SLC1A2: variants seen among roughly 807,000 people sequenced by gnomAD.
SLC1A2 encodes excitatory amino acid transporter 2.
Under a neutral mutation model 48.8 loss-of-function variants are expected in SLC1A2, and 15 were observed. The observed-to-expected ratio is 0.31, with a 90% confidence interval of 0.21 to 0.47. SLC1A2 has a LOEUF of 0.47. Ranked by LOEUF, SLC1A2 falls within the 20% of genes least tolerant of loss-of-function variation. SLC1A2 has a pLI of 0.99. For missense variants in SLC1A2, 502 were observed against 730.5 expected, an observed-to-expected ratio of 0.69 and a Z score of 3.61; for synonymous variants, 279 against 272.6, an observed-to-expected ratio of 1.02 and a Z score of -0.23.
At chr11:35,283,129 G>C (rs1024874108) in intron 8 of SLC1A2, among the ~76,000 whole-genome samples, 3 of 152,124 alleles carry the variant, frequency 2.0e-5, no homozygotes, top group South Asian at 2.1e-4. Flanking sequence ...AGAAACTTAG[G>C]TCACACAGCT....
chr11:35,304,354 G>T (rs1273213233), intron 5 of SLC1A2, among the ~76,000 whole-genome samples: 1 of 152,150 alleles, frequency 6.6e-6, no homozygotes, highest in Non-Finnish European at 1.5e-5. Flanking sequence ...ACAAAAGGGG[G>T]TTGGGTGTTT....
chr11:35,265,797 G>C (rs1489261231), intron 9 of SLC1A2, 39 bp from the exon 10 acceptor site: 1 of 1,298,744 alleles, frequency 7.7e-7, no homozygotes, highest in Non-Finnish European at 1.1e-6. Context: ...TGAGGAAGCA[G>C]TATTATGTGG....
intron 1 of SLC1A2, among the ~76,000 whole-genome samples, chr11:35,394,429 T>G (rs979176079): frequency 6.6e-6 from 1 of 151,956 alleles, no homozygotes; most frequent in African/African-American, 2.4e-5. Context: ...AGGCCGCTTT[T>G]CAAAAATATG....
At chr11:35,350,787 G>A (rs1320473369) in intron 1 of SLC1A2, among the ~76,000 whole-genome samples, 1 of 152,220 alleles carries the variant, frequency 6.6e-6, no homozygotes, top group Admixed American at 6.5e-5. Flanking sequence ...GATTGGAGCT[G>A]CTTGTTGGTC....
intron 1 of SLC1A2, among the ~76,000 whole-genome samples, chr11:35,381,091 T>A (rs1025621679): frequency 6.6e-6 from 1 of 152,122 alleles, no homozygotes; most frequent in Non-Finnish European, 1.5e-5. Flanking sequence ...CCACATATAT[T>A]TTCCTCCTTT....
chr11:35,413,414 A>C (rs1186922620), intron 1 of SLC1A2, among the ~76,000 whole-genome samples: 1 of 152,100 alleles, frequency 6.6e-6, no homozygotes, highest in East Asian at 1.9e-4. Context: ...GCTAAGAGTC[A>C]CTCCTGCTGC....
At position 35,306,093 on chromosome 11, in the gene SLC1A2, C is replaced by G; in HGVS notation, c.711G>C (p.Lys237Asn). 1 of 1,613,964 alleles carries G rather than the reference C, an allele frequency of 6.2e-7. No individual in the cohort carries two copies. The highest frequency in any genetic ancestry group is 8.5e-7 in the Non-Finnish European group (1 of 1,179,894). Reference sequence around the variant, plus strand: ...GCCTACCTAAGACGTTCATCCCATCCTTGAACTCCAGGCCCTTCTTGATAA... The same window carrying G: ...GCCTACCTAAGACGTTCATCCCATCGTTGAACTCCAGGCCCTTCTTGATAA... Reference protein sequence around the residue: ...KMVIKKGLEFKDGMNVLGLIG... With the variant: ...KMVIKKGLEFNDGMNVLGLIG... Residue 237 changes from lysine (K) to asparagine (N), a missense_variant, in exon 5 of 11, where the codon AAG (lysine) becomes AAC (asparagine). Lys to Asn is a moderately conservative substitution (Grantham distance 94). Transcript: ENST00000278379.
intron 7 of SLC1A2, among the ~76,000 whole-genome samples, chr11:35,287,698 C>T (rs1850872314): frequency 6.6e-6 from 1 of 152,182 alleles, no homozygotes; most frequent in African/African-American, 2.4e-5. Context: ...GACCACATGA[C>T]CAAGCCTCGA....
chr11:35,380,202 G>GC (rs1484022421), intron 1 of SLC1A2, among the ~76,000 whole-genome samples: 1 of 152,168 alleles, frequency 6.6e-6, no homozygotes, highest in African/African-American at 2.4e-5. Flanking sequence ...TGCACAGCAT[G>GC]CAATGCCAAT....
chr11:35,405,954 A>G (rs1026403398), intron 1 of SLC1A2, among the ~76,000 whole-genome samples: 1 of 152,234 alleles, frequency 6.6e-6, no homozygotes, highest in Non-Finnish European at 1.5e-5. Context: ...ATGCCCTTGC[A>G]TATCTCTTTT....
intron 1 of SLC1A2, among the ~76,000 whole-genome samples, chr11:35,345,044 T>A (rs1338832279): frequency 6.9e-6 from 1 of 144,172 alleles, no homozygotes; most frequent in Non-Finnish European, 1.5e-5. Context: ...TAAGTGGAGT[T>A]TTGAATGCCC....
intron 1 of SLC1A2, among the ~76,000 whole-genome samples, chr11:35,382,810 G>A (rs1264846561): frequency 6.6e-6 from 1 of 150,674 alleles, no homozygotes; most frequent in African/African-American, 2.4e-5. Context: ...AAAAAAAAAA[G>A]TCCTCCTAAA....
chr11:35,258,259 G>A lies in SLC1A2; in HGVS notation c.*2635C>T, dbSNP rs1267912726. 1.3e-5 allele frequency: 2 copies of A among 152,110 alleles called. No individual in the cohort carries two copies. Among genetic ancestry groups the A allele is most frequent in the Non-Finnish European group, 2.9e-5 (2 of 68,016 alleles). 9.4% of individuals were successfully genotyped at this position (152,110 alleles called of 1,614,324 possible). ...TGTGATTTTCTAAGTATATTCTCAC[G>A]AGACTTCCTGCACACAGTAAGTCTC... On this transcript the variant is annotated 3_prime_UTR_variant, in exon 11 of 11. Transcript: ENST00000278379.
intron 4 of SLC1A2, among the ~76,000 whole-genome samples, chr11:35,308,102 G>A (rs970852085): frequency 2.0e-5 from 3 of 152,194 alleles, no homozygotes; most frequent in South Asian, 4.1e-4. Context: ...AGAAGCCTAC[G>A]TTTGGTTTAA....
chr11:35,327,705 C>T (rs974333576), intron 1 of SLC1A2, among the ~76,000 whole-genome samples: 12 of 152,304 alleles, frequency 7.9e-5, no homozygotes, highest in East Asian at 1.9e-4. Flanking sequence ...ATTTAAAAAG[C>T]GTTTTTGCAT....
upstream of SLC1A2, chr11:35,419,833 C>G (rs869196683): frequency 8.2e-4 from 310 of 378,654 alleles, no homozygotes; most frequent in Non-Finnish European, 1.1e-3. The surrounding 1 kb of genome is among the most constrained non-coding windows in gnomAD (Gnocchi z 5.4). Context: ...GATGCCCCTC[C>G]GTCTCCGCCT....
rs550076749 is a variant in SLC1A2 at position 35,284,673 on chromosome 11, G to A, written c.1286+2084C>T. ...ACTAAATCTTCTGGAATGGTTAGAA[G>A]GAGAGAGGAGAAAGCTGTGTTTTAA... On this transcript the variant is annotated intron_variant, in intron 8 of 10. Coordinates refer to ENST00000278379, the MANE Select transcript of SLC1A2 (RefSeq NM_004171.4). Among the ~76,000 whole-genome samples, 3 of 152,252 alleles carry A rather than the reference G, an allele frequency of 2.0e-5. No individual in the cohort carries two copies. The South Asian group carries it at 6.2e-4, about 32-fold the overall frequency.
At chr11:35,337,832 G>T (rs1852687627) in intron 1 of SLC1A2, among the ~76,000 whole-genome samples, 1 of 152,152 alleles carries the variant, frequency 6.6e-6, no homozygotes, top group Non-Finnish European at 1.5e-5. Flanking sequence ...TGGAGGGGAA[G>T]CTCCACCAAC....
intron 8 of SLC1A2, chr11:35,281,721 G>C (rs1312129568): frequency 6.6e-6 from 1 of 152,070 alleles, no homozygotes; most frequent in Non-Finnish European, 1.5e-5. Flanking sequence ...TTGTCTCTGG[G>C]AGAGGGTTAA....
Sources: allele counts gnomAD v4.1 joint callset (sites outside exome capture counted in the v4.1 genomes callset), GRCh38; gene constraint gnomAD v4.1.1; non-coding constraint Gnocchi (gnomAD v3.1); transcripts MANE v1.5; gene names NCBI Gene and HGNC (gene_info 2026-07-23, HGNC 2026-07-21).